Variants in TTC22 observed in about 807,000 individuals in gnomAD.
The protein encoded by TTC22 is tetratricopeptide repeat protein 22.
TTC22 carries 42 observed loss-of-function variants against 48.2 expected under a neutral mutation model. The ratio of observed to expected loss-of-function variants is 0.87; its 90% CI spans 0.68 to 1.13. The LOEUF is 1.13. TTC22 is among the 50% of genes most tolerant of loss of function. The pLI is 0.00. For missense variants in TTC22, 784 were observed against 807.0 expected (o/e 0.97, Z 0.34); for synonymous variants, 345 against 365.5 (o/e 0.94, Z 0.64).
chr1:54,800,679 C>CCGA lies in TTC22; in HGVS notation c.482_484dup (p.Val161dup), dbSNP rs554876529. 101 of 1,551,792 alleles carry CCGA rather than the reference C, an allele frequency of 6.5e-5. No homozygotes were observed. The East Asian group carries it at 2.0e-3, about 31-fold the overall frequency. On this transcript the variant is annotated inframe_insertion, in exon 1 of 7. Coordinates refer to ENST00000371276, the MANE Select transcript of TTC22 (RefSeq NM_001114108.2). Reference sequence around the variant, plus strand: ...CGCACGCTCCTCTGGGCTGGCGCAGCCGACGTCGAAGCCATGCGCGTAGCC... The same window carrying CCGA: ...CGCACGCTCCTCTGGGCTGGCGCAGCCGACGACGTCGAAGCCATGCGCGTAGCC...
intron 1 of TTC22, among the ~76,000 whole-genome samples, chr1:54,795,489 T>C (rs1286968009): frequency 6.6e-6 from 1 of 152,206 alleles, no homozygotes; most frequent in Non-Finnish European, 1.5e-5. Context: ...TGGCCTGTGT[T>C]GAGCCACTTC....
intron 1 of TTC22, among the ~76,000 whole-genome samples, chr1:54,791,362 G>C (rs1162386102): frequency 6.6e-6 from 1 of 152,188 alleles, no homozygotes; most frequent in Non-Finnish European, 1.5e-5. Context: ...GTGCCTGGCA[G>C]GCCTGGCCAT....
At position 54,786,092 on chromosome 1, in the gene TTC22, A is replaced by T. The variant is rs1300321051; in HGVS notation, c.911T>A (p.Ile304Asn). 4 of 1,613,946 alleles carry T rather than the reference A, an allele frequency of 2.5e-6. No homozygotes were observed. The African/African-American group carries it at 4.0e-5, about 16-fold the overall frequency. The part of the protein sequence containing the change: ...QPPILNRLAK[I>N]FYFLGKQDMA... ...ATCCTGCTTTCCCAGGAAGTAGAAG[A>T]TTTTTGCCAGGCGATTCAGGATGGG... is the stretch of plus-strand genomic sequence containing the variant. Residue 304 changes from isoleucine (I) to asparagine (N), a missense_variant, in exon 5 of 7, where the codon ATC becomes AAC. Ile to Asn is a moderately radical substitution (Grantham distance 149). Transcript: ENST00000371276.
chr1:54,797,696 C>T (rs1229742239), intron 1 of TTC22, among the ~76,000 whole-genome samples: 1 of 152,212 alleles, frequency 6.6e-6, no homozygotes, highest in East Asian at 1.9e-4. Flanking sequence ...CAGGGACACA[C>T]CCCCTCCCAT....
chr1:54,790,843 GTCC>G (rs1159472389), intron 1 of TTC22, among the ~76,000 whole-genome samples: 1 of 147,726 alleles, frequency 6.8e-6, no homozygotes, highest in Non-Finnish European at 1.5e-5. Flanking sequence ...CTTCTTCTCC[GTCC>G]TCCTCCTCCT....
At chr1:54,785,308 A>G in intron 5 of TTC22, 1 of 275,010 alleles carries the variant, frequency 3.6e-6, no homozygotes, top group Non-Finnish European at 7.2e-6. Context: ...TTTTAAGGAA[A>G]GTGTTGTTAT....
Position 54,782,511 on chromosome 1 carries a change from C to T in TTC22, c.1021-34G>A, listed in dbSNP as rs1180969. 1,870 of 1,519,432 alleles carry T rather than the reference C, an allele frequency of 1.2e-3. 5 individuals are homozygous for T. Among genetic ancestry groups the T allele is most frequent in the Middle Eastern group, 0.011 (65 of 5,820 alleles). 94.1% of individuals were successfully genotyped at this position (1,519,432 alleles called of 1,614,324 possible). On this transcript the variant is annotated intron_variant, in intron 5 of 6. Transcript: ENST00000371276. ...AGAGAGCCAGCTTAGGAAAGATGAT[C>T]CAGGCAAGGGCCTCTGCCTTCCTCT...
At chr1:54,784,674 C>T in intron 5 of TTC22, 1 of 1,139,630 alleles carries the variant, frequency 8.8e-7, no homozygotes, top group Non-Finnish European at 1.1e-6. Flanking sequence ...TGCCTCGTAC[C>T]TGCTGGCAAA....
intron 5 of TTC22, chr1:54,784,653 A>C (rs1177938204): frequency 6.3e-6 from 7 of 1,119,884 alleles, no homozygotes; most frequent in South Asian, 2.0e-5. Flanking sequence ...ACAGTGAAGG[A>C]ATTTCACTCC....
chr1:54,800,176 G>A lies in TTC22; in HGVS notation c.567+421C>T, dbSNP rs114822651. 3.4e-3 allele frequency among the ~76,000 whole-genome samples: 514 copies of A among 152,342 alleles called. 3 individuals carry two copies. The highest frequency in any genetic ancestry group is 0.012 in the African/African-American group (496 of 41,582). On this transcript the variant is annotated intron_variant, in intron 1 of 6. Transcript: ENST00000371276. ...AGTGTGCGGAGCCTTTGTGAAGGGA[G>A]CTGTGCTTCCCTGTGCTCCCTTCAC...
rs1328392991 is a variant in TTC22, at chr1:54,781,436, T to C, written c.1517A>G (p.Asp506Gly). The stretch of plus-strand genomic sequence containing the variant: ...GCGCAGGCGCGCCGCGGGGTACTTG[T>C]CCTGGGCGCGGCGCAGCCAGGCGTC... Reference protein sequence around the residue: ...EVDAWLRRAQDKYPAARLRQE... With the variant: ...EVDAWLRRAQGKYPAARLRQE... The change falls in exon 7 of 7, where the codon GAC becomes GGC. Residue 506 changes from aspartate to glycine, a missense_variant. Physicochemically the swap from Asp to Gly is moderately conservative, Grantham distance 94. Transcript: ENST00000371276. 24 of 1,438,050 alleles carry C rather than the reference T, an allele frequency of 1.7e-5. No individual in the cohort carries two copies. The highest frequency in any genetic ancestry group is 2.1e-5 in the Non-Finnish European group (23 of 1,106,172). 89.1% of individuals were successfully genotyped at this position (1,438,050 alleles called of 1,614,324 possible).
At chr1:54,787,243 A>G (rs559444869) in intron 3 of TTC22, 168 bp from the exon 4 acceptor site, 76 of 545,712 alleles carry the variant, frequency 1.4e-4, no homozygotes, top group Non-Finnish European at 2.2e-4. Context: ...GAGAGGGGCC[A>G]TGTGAGGGGT....
chr1:54,781,169 T>TCCGGG lies in TTC22; in HGVS notation c.*73_*74insCCCGG. ...AGGTCAGCCTAAGGCAGGGAGTCCA[T>TCCGGG]CCGGACCTGGTCCCATCAGCTGGGC... On this transcript the variant is annotated 3_prime_UTR_variant, in exon 7 of 7. Coordinates refer to ENST00000371276, the MANE Select transcript of TTC22 (RefSeq NM_001114108.2). The TCCGGG allele has an allele frequency of 1.8e-6, 2 of 1,138,822 alleles. No individual in the cohort carries two copies. The highest frequency in any genetic ancestry group is 3.9e-5 in the South Asian group (2 of 51,944). 70.5% of individuals were successfully genotyped at this position (1,138,822 alleles called of 1,614,324 possible). A position where few individuals can be genotyped will look rare whatever the true frequency, so the allele number is the denominator to read the frequency against.
rs1646297821 is a variant in TTC22, at chr1:54,786,036, C to T, written c.967G>A (p.Asp323Asn). ...TTGAGTTCTGGATCTCGTAGGACAT[C>T]CAGGGCCATGTTGCAGGTTCCAATG... ...MAIGTCNMALDVLRDPELNWQ... is the reference protein window; with the variant it reads ...MAIGTCNMALNVLRDPELNWQ... The change falls in exon 5 of 7, where the codon GAT becomes AAT. Residue 323 changes from aspartate to asparagine, a missense_variant. Asp to Asn is a conservative substitution (Grantham distance 23, BLOSUM62 1). Coordinates refer to ENST00000371276, the MANE Select transcript of TTC22 (RefSeq NM_001114108.2). 6.2e-7 allele frequency: 1 copy of T among 1,614,136 alleles called. No individual in the cohort carries two copies. Among genetic ancestry groups the T allele is most frequent in the East Asian group, 2.2e-5 (1 of 44,874 alleles).
In TTC22 at chr1:54,781,393, C is replaced by G. The variant is rs531323074; in HGVS notation, c.1560G>C (p.Val520=). 247 of 1,386,068 alleles carry G rather than the reference C, an allele frequency of 1.8e-4. No individual in the cohort carries two copies. Among genetic ancestry groups the G allele is most frequent in the Admixed American group, 2.7e-4 (7 of 25,942 alleles). 85.9% of individuals were successfully genotyped at this position (1,386,068 alleles called of 1,614,324 possible). ...ACACCTCGTCCGTGTGCCCGCGCCA[C>G]ACGCGCTGCAGCTCCTGGCGCAGGC... is the stretch of plus-strand genomic sequence containing the variant. The part of the protein sequence containing the change: ...AARLRQELQR[V]WRGHTDEVLG... Residue 520 remains valine, a synonymous_variant, in exon 7 of 7, where the codon GTG becomes GTC. Transcript: ENST00000371276.
At chr1:54,799,786 C>T (rs1029386205) in intron 1 of TTC22, among the ~76,000 whole-genome samples, 1 of 152,354 alleles carries the variant, frequency 6.6e-6, no homozygotes, top group East Asian at 1.9e-4. Context: ...TGACCCTGCT[C>T]ATCCCTGTGC....
In TTC22 at chr1:54,792,438, T is replaced by C. The variant is rs185098443; in HGVS notation, c.568-4341A>G. Among the ~76,000 whole-genome samples the C allele has an allele frequency of 4.6e-4, 69 of 151,112 alleles. 1 individual carries two copies. The East Asian group carries it at 0.011, about 24-fold the overall frequency. On this transcript the variant is annotated intron_variant, in intron 1 of 6. Transcript: ENST00000371276. ...CTGGCTCCAAAATAGACTGTCTCTC[T>C]CTCTTTTTTTTTTTTTAGACGGAGT...
chr1:54,781,276 G>A lies in TTC22; in HGVS notation c.1677C>T (p.Ser559=). Residue 559 remains serine (S), a synonymous_variant, in exon 7 of 7, where the codon AGC becomes AGT. Transcript: ENST00000371276. ...AGACAGCCCGGCGGTCCCGCGGCGCGCTGGCGCCCTCGCCCTCGCGCTCCA... is the reference window on the plus strand; with the variant it reads ...AGACAGCCCGGCGGTCCCGCGGCGCACTGGCGCCCTCGCCCTCGCGCTCCA... ...ETMEREGEGA[S]APRDRRAVSF is the part of the protein sequence containing the mutation. 3 of 1,477,316 alleles carry A rather than the reference G, an allele frequency of 2.0e-6. No individual in the cohort carries two copies. Among genetic ancestry groups the A allele is most frequent in the African/African-American group, 1.5e-5 (1 of 67,966 alleles). The allele number at this position is 1,477,316 out of a possible 1,614,324, so 91.5% of individuals were successfully genotyped here.
intron 5 of TTC22, chr1:54,785,372 A>C (rs761746303): frequency 1.6e-4 from 46 of 281,282 alleles, no homozygotes; most frequent in Admixed American, 3.5e-4. Context: ...GGCTTGCTGC[A>C]AGTTCCACAA....
Sources: allele counts gnomAD v4.1 joint callset (sites outside exome capture counted in the v4.1 genomes callset), GRCh38; gene constraint gnomAD v4.1.1; transcripts MANE v1.5; gene names NCBI Gene and HGNC (gene_info 2026-07-23, HGNC 2026-07-21).